The following PLCXD3 variants were observed in gnomAD, a reference collection of about 807,000 sequenced individuals.
PLCXD3 encodes the protein phosphatidylinositol specific phospholipase C X domain containing 3, also known as PI-PLC X domain-containing protein 3.
In PLCXD3, 19 loss-of-function variants were observed where a neutral mutation model predicts 25.5. That is an observed-to-expected ratio of 0.75 (90% CI 0.52 to 1.09). PLCXD3 has a LOEUF of 1.09. Among genes scored for constraint, PLCXD3 ranks in the 50% least tolerant of loss-of-function variants. The pLI is 0.00. For synonymous variants in PLCXD3, 174 were observed against 137.6 expected, an observed-to-expected ratio of 1.26 and a Z score of -1.85; for missense variants, 411 against 388.1, an observed-to-expected ratio of 1.06 and a Z score of -0.50.
chr5:41,356,492 T>A lies in PLCXD3; in HGVS notation c.812+25334A>T, dbSNP rs567151698. Among the ~76,000 whole-genome samples the A allele has an allele frequency of 1.4e-4, 22 of 152,316 alleles. No homozygotes were observed. In the South Asian group the frequency reaches 3.3e-3, roughly 23 times the overall value. ...ATCATAAATTGTCAGATGCTGTTAT[T>A]ATTAATTGACTTTTAGGTTATTCCT... On this transcript the variant is annotated intron_variant, in intron 2 of 2. Transcript: ENST00000377801.
intron 1 of PLCXD3, among the ~76,000 whole-genome samples, chr5:41,479,729 AAGAGAG>A (rs951209823): frequency 4.3e-5 from 6 of 138,614 alleles, no homozygotes; most frequent in Non-Finnish European, 9.4e-5. Flanking sequence ...GAGAGAGAGA[AAGAGAG>A]AGAGAGAGAG....
At chr5:41,415,162 A>G (rs1746664954) in intron 1 of PLCXD3, among the ~76,000 whole-genome samples, 2 of 152,234 alleles carry the variant, frequency 1.3e-5, no homozygotes, top group Non-Finnish European at 2.9e-5. Flanking sequence ...AAAGACATAG[A>G]TTATTTTTAG....
intron 2 of PLCXD3, among the ~76,000 whole-genome samples, chr5:41,321,456 C>G (rs571485599): frequency 1.3e-5 from 2 of 152,128 alleles, no homozygotes; most frequent in South Asian, 4.2e-4. Context: ...AAAAGTATAC[C>G]ATGTTTATAG....
At chr5:41,335,232 A>G (rs2150475889) in intron 2 of PLCXD3, among the ~76,000 whole-genome samples, 1 of 152,286 alleles carries the variant, frequency 6.6e-6, no homozygotes, top group Middle Eastern at 3.4e-3. Context: ...AAAAATTTCC[A>G]TTTGATAAGA....
chr5:41,357,843 G>A (rs1744661397), intron 2 of PLCXD3, among the ~76,000 whole-genome samples: 1 of 152,150 alleles, frequency 6.6e-6, no homozygotes, highest in Non-Finnish European at 1.5e-5. Flanking sequence ...TGGCCATATA[G>A]CATCTGACAA....
chr5:41,472,548 G>A (rs568601312), intron 1 of PLCXD3, among the ~76,000 whole-genome samples: 11 of 152,168 alleles, frequency 7.2e-5, no homozygotes, highest in Admixed American at 5.9e-4. Flanking sequence ...TTCTTTTAAA[G>A]TCCTTGAATA....
chr5:41,436,589 C>T (rs141507262), intron 1 of PLCXD3, among the ~76,000 whole-genome samples: 1 of 152,232 alleles, frequency 6.6e-6, no homozygotes, highest in Non-Finnish European at 1.5e-5. Context: ...TAAGAAATTC[C>T]AACTATTGCA....
chr5:41,323,795 A>C (rs190450203), intron 2 of PLCXD3, among the ~76,000 whole-genome samples: 5 of 152,308 alleles, frequency 3.3e-5, no homozygotes, highest in Admixed American at 2.6e-4. Context: ...ATGTAGAAGG[A>C]GAGGAAGAAA....
intron 1 of PLCXD3, among the ~76,000 whole-genome samples, chr5:41,506,795 C>G (rs950812188): frequency 5.9e-5 from 9 of 152,182 alleles, no homozygotes; most frequent in Non-Finnish European, 1.0e-4. Context: ...GAACAAAATT[C>G]ACAGGCACAA....
chr5:41,408,686 G>A (rs766868185), intron 1 of PLCXD3, among the ~76,000 whole-genome samples: 55 of 152,210 alleles, frequency 3.6e-4, no homozygotes, highest in African/African-American at 5.1e-4. Context: ...AAGTCAATCC[G>A]CACATCTTTA....
Position 41,471,943 on chromosome 5 carries a change from CTCCCT to C in PLCXD3, c.103+38476_103+38480del, listed in dbSNP as rs1180276791. On this transcript the variant is annotated intron_variant, in intron 1 of 2. Transcript: ENST00000377801. Reference sequence around the variant, plus strand: ...TTCCCTTCCCCTCCCTTCCCCTCCCCTCCCTTCCCTTCCCTTCCCTTCCCTTTCTC... The same window carrying C: ...TTCCCTTCCCCTCCCTTCCCCTCCCCTCCCTTCCCTTCCCTTCCCTTTCTC... Among the ~76,000 whole-genome samples the C allele has an allele frequency of 2.4e-3, 111 of 46,446 alleles. 3 individuals carry two copies. The highest frequency in any genetic ancestry group is 7.2e-3 in the African/African-American group (79 of 11,008). The allele number at this position is 46,446 out of a possible 152,430, so 30.5% of individuals were successfully genotyped here.
intron 2 of PLCXD3, among the ~76,000 whole-genome samples, chr5:41,372,707 T>C (rs1745139794): frequency 6.6e-6 from 1 of 151,840 alleles, no homozygotes; most frequent in Non-Finnish European, 1.5e-5. Context: ...ACCAACTGAG[T>C]GTACCCCCTT....
At chr5:41,381,686 A>C in intron 2 of PLCXD3, 140 bp downstream of exon 2, 15 of 697,308 alleles carry the variant, frequency 2.2e-5, no homozygotes, top group Non-Finnish European at 3.3e-5. Flanking sequence ...TCTTTTAAGA[A>C]ACCCAATTAG....
At chr5:41,510,327 G>A in intron 1 of PLCXD3, 97 bp downstream of exon 1, 2 of 1,056,924 alleles carry the variant, frequency 1.9e-6, no homozygotes, top group Non-Finnish European at 2.8e-6. Context: ...TCCCTCCCGC[G>A]GGCATCGTGG....
chr5:41,470,062 G>C (rs1489077422), intron 1 of PLCXD3, among the ~76,000 whole-genome samples: 1 of 152,176 alleles, frequency 6.6e-6, no homozygotes, highest in African/African-American at 2.4e-5. Flanking sequence ...GCTCTGTCCA[G>C]TGATTTTGCC....
Position 41,319,066 on chromosome 5 carries a change from G to A in PLCXD3, c.813-5296C>T, listed in dbSNP as rs142473293. Among the ~76,000 whole-genome samples the A allele has an allele frequency of 5.7e-3, 866 of 152,244 alleles. 13 individuals are homozygous for A. The highest frequency in any genetic ancestry group is 0.019 in the African/African-American group (806 of 41,548). ...GGTTTCAATTCAGCAAGAGGATATA[G>A]CAATTGTAAATATATATGCAGTCAA... On this transcript the variant is annotated intron_variant, in intron 2 of 2. Transcript: ENST00000377801.
chr5:41,381,965 G>C lies in PLCXD3; in HGVS notation c.673C>G (p.Leu225Val), dbSNP rs199548136. ...PWANTTDPEKLIQFLQASITE... is the reference protein window; with the variant it reads ...PWANTTDPEKVIQFLQASITE... ...ATGGATGCTTGAAGAAACTGGATCA[G>C]TTTCTCGGGGTCTGTGGTGTTGGCC... is the stretch of plus-strand genomic sequence containing the variant. Residue 225 changes from leucine (L) to valine (V), a missense_variant, in exon 2 of 3, where the codon CTG (leucine) becomes GTG (valine). Physicochemically the swap from Leu to Val is conservative, Grantham distance 32 (BLOSUM62 1). Transcript: ENST00000377801. The C allele has an allele frequency of 5.0e-5, 80 of 1,613,502 alleles. No individual in the cohort carries two copies. The highest frequency in any genetic ancestry group is 6.6e-5 in the Non-Finnish European group (78 of 1,179,724).
At chr5:41,430,966 C>T (rs1747084843) in intron 1 of PLCXD3, among the ~76,000 whole-genome samples, 1 of 152,190 alleles carries the variant, frequency 6.6e-6, no homozygotes, top group Non-Finnish European at 1.5e-5. Flanking sequence ...CAGCTTTGAG[C>T]TGACCAATTG....
intron 1 of PLCXD3, among the ~76,000 whole-genome samples, chr5:41,408,105 T>A (rs1382679879): frequency 6.6e-6 from 1 of 152,146 alleles, no homozygotes; most frequent in East Asian, 1.9e-4. Flanking sequence ...ATTATTCAGA[T>A]CAAGAGGCAG....
Sources: allele counts gnomAD v4.1 joint callset (sites outside exome capture counted in the v4.1 genomes callset), GRCh38; gene constraint gnomAD v4.1.1; transcripts MANE v1.5; gene names NCBI Gene and HGNC (gene_info 2026-07-23, HGNC 2026-07-21).